Variants in SKIC3 observed in about 807,000 individuals in gnomAD.
The protein encoded by SKIC3 is SKI3 subunit of superkiller complex.
the SKIC3 span, among the ~76,000 whole-genome samples, chr5:95,491,565 A>G: frequency 6.6e-6 from 1 of 152,184 alleles, no homozygotes; most frequent in Non-Finnish European, 1.5e-5. Context: ...TCTATCCCTC[A>G]TTCATTTGAT....
At chr5:95,493,052 T>G in the SKIC3 span, among the ~76,000 whole-genome samples, 1 of 152,326 alleles carries the variant, frequency 6.6e-6, no homozygotes, top group East Asian at 1.9e-4. Context: ...AGCACTAATC[T>G]AGCAGAAATT....
At chr5:95,543,794 C>T in the SKIC3 span, among the ~76,000 whole-genome samples, 1 of 152,168 alleles carries the variant, frequency 6.6e-6, no homozygotes, top group African/African-American at 2.4e-5. Context: ...AAAGTAGATT[C>T]ACCCCAGTGC....
chr5:95,535,762 A>C, the SKIC3 span, among the ~76,000 whole-genome samples: 1 of 152,172 alleles, frequency 6.6e-6, no homozygotes, highest in Non-Finnish European at 1.5e-5. Flanking sequence ...AGTAGTTTTC[A>C]ACCCTTTTTT....
the SKIC3 span, chr5:95,490,828 C>T: frequency 6.4e-7 from 1 of 1,573,156 alleles, no homozygotes; most frequent in African/African-American, 1.4e-5. Flanking sequence ...ACAACATATG[C>T]TGAAGCCGTT....
chr5:95,516,085 C>G, the SKIC3 span, among the ~76,000 whole-genome samples: 1 of 152,104 alleles, frequency 6.6e-6, no homozygotes, highest in South Asian at 2.1e-4. Flanking sequence ...TGAATTGATT[C>G]AGAATCAAAC....
chr5:95,535,661 G>C, the SKIC3 span, among the ~76,000 whole-genome samples: 4 of 152,014 alleles, frequency 2.6e-5, no homozygotes, highest in East Asian at 7.7e-4. Context: ...AAGTAAAAGA[G>C]GACTTTAAAG....
At chr5:95,543,386 A>T in the SKIC3 span, 1 of 1,567,840 alleles carries the variant, frequency 6.4e-7, no homozygotes, top group Non-Finnish European at 8.8e-7. Flanking sequence ...ATGAACTAAC[A>T]ATAACAGAAA....
chr5:95,528,872 T>A, the SKIC3 span: 1 of 773,216 alleles, frequency 1.3e-6, no homozygotes, highest in Non-Finnish European at 2.2e-6. Context: ...CTTATTGAAA[T>A]TAAAATTAGC....
At chr5:95,545,547 A>G in the SKIC3 span, among the ~76,000 whole-genome samples, 2 of 152,288 alleles carry the variant, frequency 1.3e-5, no homozygotes, top group Admixed American at 1.3e-4. Flanking sequence ...TTCTGCCTCA[A>G]TGAAAACATG....
At chr5:95,516,850 C>T in the SKIC3 span, 1 of 1,561,506 alleles carries the variant, frequency 6.4e-7, no homozygotes, top group East Asian at 2.4e-5. Flanking sequence ...TTACTTCATC[C>T]AAAACAACTT....
At chr5:95,469,862 T>C in the SKIC3 span, 140 of 1,614,180 alleles carry the variant, frequency 8.7e-5, no homozygotes, top group East Asian at 1.2e-3. Context: ...AAGGCCTCAG[T>C]TGTAGCCTCT....
At chr5:95,490,520 C>T in the SKIC3 span, among the ~76,000 whole-genome samples, 4 of 134,680 alleles carry the variant, frequency 3.0e-5, no homozygotes, top group Non-Finnish European at 4.6e-5. Context: ...TTTTTTGAGA[C>T]GGAGTCTCGC....
chr5:95,514,554 AGT>A, the SKIC3 span, among the ~76,000 whole-genome samples: 1 of 152,190 alleles, frequency 6.6e-6, no homozygotes, highest in Non-Finnish European at 1.5e-5. Context: ...CAGACTGGTA[AGT>A]GTTCAAAGGC....
At chr5:95,474,404 A>C in the SKIC3 span, among the ~76,000 whole-genome samples, 1 of 152,236 alleles carries the variant, frequency 6.6e-6, no homozygotes, top group Non-Finnish European at 1.5e-5. Flanking sequence ...CAAGAAAATA[A>C]AGAAAAGAAA....
At chr5:95,509,502 CG>C in the SKIC3 span, 1 of 969,464 alleles carries the variant, frequency 1.0e-6, no homozygotes, top group Middle Eastern at 2.1e-4. Flanking sequence ...TGGCTTCACC[CG>C]GTTCTCCCAA....
chr5:95,536,679 CATT>C, the SKIC3 span: 1 of 753,028 alleles, frequency 1.3e-6, no homozygotes, highest in Non-Finnish European at 2.4e-6. Flanking sequence ...AAAGACTACA[CATT>C]ATACTTCTTT....
the SKIC3 span, among the ~76,000 whole-genome samples, chr5:95,486,750 A>G: frequency 6.6e-6 from 1 of 152,110 alleles, no homozygotes; most frequent in African/African-American, 2.4e-5. Flanking sequence ...ACTCACTTAC[A>G]TGTATCACAT....
chr5:95,519,804 G>A, the SKIC3 span, among the ~76,000 whole-genome samples: 1 of 151,990 alleles, frequency 6.6e-6, no homozygotes, highest in Non-Finnish European at 1.5e-5. Flanking sequence ...CAGAGAGGCA[G>A]TATTTATAGC....
chr5:95,517,321 C>G, the SKIC3 span: 5 of 1,612,062 alleles, frequency 3.1e-6, no homozygotes, highest in Non-Finnish European at 4.2e-6. Flanking sequence ...TGCTGTAGAG[C>G]ACTAAAAAAA....
Sources: gnomAD v4.1 joint callset for allele counts (sites outside exome capture counted in the v4.1 genomes callset) on GRCh38, gnomAD v4.1.1 for gene constraint, MANE v1.5 for transcripts, NCBI Gene and HGNC (gene_info 2026-07-23, HGNC 2026-07-21) for gene names.